The following TEX30 variants were observed in gnomAD, a reference collection of about 807,000 sequenced individuals.
TEX30 encodes testis-expressed protein 30.
A neutral mutation model predicts 23.8 loss-of-function variants in TEX30; 14 were observed. That is an observed-to-expected ratio of 0.59 (90% CI 0.39 to 0.92). The LOEUF is 0.92. TEX30 is among the 40% of genes least tolerant of loss of function. TEX30 has a pLI of 0.00. For missense variants in TEX30, 246 were observed against 270.6 expected (o/e 0.91, Z 0.64); for synonymous variants, 78 against 90.2 (o/e 0.87, Z 0.76).
intron 1 of TEX30, among the ~76,000 whole-genome samples, chr13:102,770,523 T>G (rs1280017906): frequency 1.3e-5 from 2 of 152,206 alleles, no homozygotes; most frequent in Non-Finnish European, 2.9e-5. Flanking sequence ...AACTTCACAG[T>G]GCTGCTAGAA....
Position 102,767,424 on chromosome 13 carries a change from T to C in TEX30, c.353A>G (p.Asp118Gly). The C allele has an allele frequency of 6.2e-7, 1 of 1,614,194 alleles. No homozygotes were observed. Among genetic ancestry groups the C allele is most frequent in the Non-Finnish European group, 8.5e-7 (1 of 1,180,032 alleles). Residue 118 changes from aspartate (D) to glycine (G), a missense_variant, in exon 5 of 6, where the codon GAT becomes GGT. By Grantham distance (94) the Asp-to-Gly change is moderately conservative. Transcript: ENST00000376032. ...AASVMCHIEP[D>G]DGDDFVRGLI... is the part of the protein sequence containing the mutation. The stretch of plus-strand genomic sequence containing the variant: ...ACCCCGAACAAAATCATCACCATCA[T>C]CTGGCTCAATGTGACACATTACAGA...
chr13:102,769,201 C>A (rs551080382), intron 3 of TEX30, 110 bp downstream of exon 3: 1 of 782,540 alleles, frequency 1.3e-6, no homozygotes, highest in Non-Finnish European at 1.9e-6. Context: ...AGAATACACT[C>A]ATTCAAAGAT....
intron 5 of TEX30, among the ~76,000 whole-genome samples, chr13:102,766,899 G>A (rs1327299693): frequency 6.6e-6 from 1 of 151,840 alleles, no homozygotes; most frequent in Non-Finnish European, 1.5e-5. Context: ...TCATAATATT[G>A]GGCTAATATT....
chr13:102,771,334 T>G (rs1276936975), intron 1 of TEX30, among the ~76,000 whole-genome samples: 1 of 152,248 alleles, frequency 6.6e-6, no homozygotes, highest in Non-Finnish European at 1.5e-5. Flanking sequence ...AAGTATTTGT[T>G]CATAATTTAC....
At chr13:102,773,290 C>T (rs1367819635) in intron 1 of TEX30, among the ~76,000 whole-genome samples, 3 of 152,132 alleles carry the variant, frequency 2.0e-5, no homozygotes, top group Non-Finnish European at 4.4e-5. Flanking sequence ...CGGGGCTCGG[C>T]GGCGCTCGGG....
Position 102,769,453 on chromosome 13 carries a change from G to T in TEX30, c.104C>A (p.Thr35Lys). The T allele has an allele frequency of 7.4e-6, 12 of 1,612,102 alleles. No individual in the cohort carries two copies. Among genetic ancestry groups the T allele is most frequent in the African/African-American group, 1.3e-5 (1 of 74,978 alleles). ...NKSLTYGIIL[T>K]HGASGDMNLP... Reference sequence around the variant, plus strand: ...ATTCATATCTCCTGATGCTCCATGTGTAAGAATTATTCCATATGTTAAGCT... The same window carrying T: ...ATTCATATCTCCTGATGCTCCATGTTTAAGAATTATTCCATATGTTAAGCT... Residue 35 changes from threonine (T) to lysine (K), a missense_variant, in exon 3 of 6, where the codon ACA becomes AAA. Coordinates refer to ENST00000376032, the MANE Select transcript of TEX30 (RefSeq NM_138779.5).
chr13:102,766,400 A>G lies in TEX30; in HGVS notation c.*1T>C. On this transcript the variant is annotated 3_prime_UTR_variant, in exon 6 of 6. Coordinates refer to ENST00000376032, the MANE Select transcript of TEX30 (RefSeq NM_138779.5). ...TGTACTCAAGATAACATGGCTTTTA[A>G]CTAATGACATTTCTTGTCCATTTCA... 6.2e-7 allele frequency: 1 copy of G among 1,612,616 alleles called. No individual in the cohort carries two copies. The highest frequency in any genetic ancestry group is 2.2e-5 in the East Asian group (1 of 44,842).
intron 3 of TEX30, among the ~76,000 whole-genome samples, chr13:102,768,991 T>C (rs1043406723): frequency 6.6e-6 from 1 of 152,210 alleles, no homozygotes; most frequent in Non-Finnish European, 1.5e-5. Context: ...TATTTATACA[T>C]GCATAGTATG....
chr13:102,768,656 G>T (rs1877082282), intron 3 of TEX30, among the ~76,000 whole-genome samples: 1 of 152,162 alleles, frequency 6.6e-6, no homozygotes, highest in Non-Finnish European at 1.5e-5. Flanking sequence ...AACATCTAAA[G>T]TTCTAAAAAA....
chr13:102,769,586 T>C, intron 2 of TEX30, 45 bp from the exon 3 acceptor site: 4 of 1,218,518 alleles, frequency 3.3e-6, no homozygotes, highest in Admixed American at 2.2e-5. Context: ...CTTTCTTGCC[T>C]ATTAAGACAA....
chr13:102,767,613 T>A, intron 4 of TEX30, 135 bp from the exon 5 acceptor site: 2 of 969,410 alleles, frequency 2.1e-6, no homozygotes, highest in Non-Finnish European at 3.0e-6. Context: ...AGGCAGCAAT[T>A]AACAAGTTGC....
At chr13:102,768,132 G>C in intron 4 of TEX30, 128 bp downstream of exon 4, 1 of 718,286 alleles carries the variant, frequency 1.4e-6, no homozygotes, top group Non-Finnish European at 2.3e-6. Context: ...ACATTAAAAA[G>C]GTGACTTACC....
Position 102,770,016 on chromosome 13 carries a change from G to A in TEX30, c.11C>T (p.Thr4Ile). 6.9e-7 allele frequency: 1 copy of A among 1,442,892 alleles called. No homozygotes were observed. Among genetic ancestry groups the A allele is most frequent in the Non-Finnish European group, 9.1e-7 (1 of 1,092,920 alleles). 89.4% of individuals were successfully genotyped at this position (1,442,892 alleles called of 1,614,324 possible). A position where few individuals can be genotyped will look rare whatever the true frequency, so the allele number is the denominator to read the frequency against. MSH[T>I]EVKLKIPFGN... Reference sequence around the variant, plus strand: ...CAGAACATACGAAAATATTACCTCTGTATGACTCATTTTCACTGTTGAATA... The same window carrying A: ...CAGAACATACGAAAATATTACCTCTATATGACTCATTTTCACTGTTGAATA... Residue 4 changes from threonine (T) to isoleucine (I), a missense_variant, in exon 2 of 6, where the codon ACA becomes ATA. By Grantham distance (89) the Thr-to-Ile change is moderately conservative. Coordinates refer to ENST00000376032, the MANE Select transcript of TEX30 (RefSeq NM_138779.5).
At position 102,766,570 on chromosome 13, in the gene TEX30, TC is replaced by T; in HGVS notation, c.514del (p.Glu172ArgfsTer25). Reference sequence around the variant, plus strand: ...AGCTTGCATTTTCTGTGCCACTTTCTCCAACAAGTTCTAAAGAGAAAAAGAA... The same window carrying T: ...AGCTTGCATTTTCTGTGCCACTTTCTCAACAAGTTCTAAAGAGAAAAAGAA... ...ADEMCEKNLLEKVAQKMQAPH... is the reference protein window; with the variant it reads ...ADEMCEKNLLXKVAQKMQAPH... On this transcript the variant is annotated frameshift_variant, in exon 6 of 6. Coordinates refer to ENST00000376032, the MANE Select transcript of TEX30 (RefSeq NM_138779.5). LOFTEE classifies it high-confidence loss of function. 1 of 1,612,730 alleles carries T rather than the reference TC, an allele frequency of 6.2e-7. No individual in the cohort carries two copies.
intron 1 of TEX30, among the ~76,000 whole-genome samples, chr13:102,772,656 G>A (rs190849624): frequency 1.5e-3 from 221 of 152,276 alleles, no homozygotes; most frequent in African/African-American, 5.1e-3. Flanking sequence ...GCTCACTGCA[G>A]CCTCTGCCTC....
At chr13:102,772,056 G>T (rs1879031400) in intron 1 of TEX30, among the ~76,000 whole-genome samples, 1 of 152,130 alleles carries the variant, frequency 6.6e-6, no homozygotes, top group Admixed American at 6.5e-5. Context: ...TTTTTAAATA[G>T]CCTTAATGTA....
chr13:102,769,883 G>A (rs1877195967), intron 2 of TEX30, 129 bp downstream of exon 2: 3 of 793,894 alleles, frequency 3.8e-6, no homozygotes, highest in East Asian at 3.1e-5. Flanking sequence ...TAGATTCCTC[G>A]CTCTTAACCA....
intron 2 of TEX30, 164 bp from the exon 3 acceptor site, chr13:102,769,705 GTAT>G (rs2139039949): frequency 1.8e-6 from 1 of 568,782 alleles, no homozygotes; most frequent in East Asian, 3.1e-5. Context: ...ACTGTGTCGG[GTAT>G]TATTATAAGT....
intron 1 of TEX30, among the ~76,000 whole-genome samples, chr13:102,771,315 C>T (rs1262485368): frequency 1.3e-5 from 2 of 152,046 alleles, no homozygotes; most frequent in Non-Finnish European, 2.9e-5. Flanking sequence ...AAAATGTAAA[C>T]AGAAGTCAAA....
Sources: allele counts gnomAD v4.1 joint callset (sites outside exome capture counted in the v4.1 genomes callset), GRCh38; gene constraint gnomAD v4.1.1; transcripts MANE v1.5; gene names NCBI Gene and HGNC (gene_info 2026-07-23, HGNC 2026-07-21).